CFAP20DC: variants seen among roughly 807,000 people sequenced by gnomAD.
The protein encoded by CFAP20DC is protein CFAP20DC.
In CFAP20DC, 84 loss-of-function variants were observed where a neutral mutation model predicts 101.7. The ratio of observed to expected loss-of-function variants is 0.83; its 90% CI spans 0.69 to 0.99. The LOEUF (loss-of-function observed/expected upper bound fraction) is 0.99. Ranked by LOEUF, CFAP20DC falls within the 50% of genes least tolerant of loss-of-function variation. The pLI is 0.00. For missense variants in CFAP20DC, 1,007 were observed against 970.3 expected (o/e 1.04, Z -0.50); for synonymous variants, 359 against 351.2 (o/e 1.02, Z -0.25).
intron 4 of CFAP20DC, among the ~76,000 whole-genome samples, chr3:59,033,959 G>C (rs1443120735): frequency 1.3e-5 from 2 of 152,178 alleles, no homozygotes; most frequent in Non-Finnish European, 2.9e-5. Context: ...AGAAAGGTTA[G>C]ATTACCCACA....
intron 15 of CFAP20DC, among the ~76,000 whole-genome samples, chr3:58,761,954 CA>C (rs2069653817): frequency 6.6e-6 from 1 of 152,074 alleles, no homozygotes; most frequent in Admixed American, 6.5e-5. Context: ...GCTTTACTTC[CA>C]ACTATGTGGT....
chr3:58,960,350 G>T (rs987096466), intron 4 of CFAP20DC, among the ~76,000 whole-genome samples: 3 of 151,880 alleles, frequency 2.0e-5, no homozygotes, highest in Non-Finnish European at 4.4e-5. Flanking sequence ...AAATTAGCCG[G>T]GCGTGGTGGT....
chr3:58,822,431 C>A (rs2075737317), intron 14 of CFAP20DC, among the ~76,000 whole-genome samples: 1 of 146,856 alleles, frequency 6.8e-6, no homozygotes, highest in African/African-American at 2.6e-5. Context: ...ACTCTGGGGA[C>A]TGTTGTGGGG....
rs560308851 is a variant in CFAP20DC at position 58,895,700 on chromosome 3, T to C, written c.551-10991A>G. ...CCCAACTCTATTGGTACCAATTTACTGTATTAGGCTGTTTTCATGCTACTG... is the reference window on the plus strand; with the variant it reads ...CCCAACTCTATTGGTACCAATTTACCGTATTAGGCTGTTTTCATGCTACTG... On this transcript the variant is annotated intron_variant, in intron 6 of 16. Coordinates refer to ENST00000482387, the MANE Select transcript of CFAP20DC (RefSeq NM_001394063.1). 2.0e-5 allele frequency among the ~76,000 whole-genome samples: 3 copies of C among 152,300 alleles called. No homozygotes were observed. In the East Asian group the frequency reaches 5.8e-4, roughly 29 times the overall value.
At chr3:58,966,685 G>A (rs2091567150) in intron 4 of CFAP20DC, among the ~76,000 whole-genome samples, 1 of 151,518 alleles carries the variant, frequency 6.6e-6, no homozygotes, top group Non-Finnish European at 1.5e-5. Context: ...CACCATGCCT[G>A]GCTAATTTTT....
intron 7 of CFAP20DC, among the ~76,000 whole-genome samples, chr3:58,877,219 G>T (rs919441323): frequency 1.3e-5 from 2 of 152,192 alleles, no homozygotes; most frequent in African/African-American, 4.8e-5. Flanking sequence ...CAGGCATTTA[G>T]TCGGGCATGT....
chr3:58,985,667 T>C (rs1411457727), intron 4 of CFAP20DC, among the ~76,000 whole-genome samples: 1 of 152,208 alleles, frequency 6.6e-6, no homozygotes, highest in Non-Finnish European at 1.5e-5. Flanking sequence ...TTGTGATTTT[T>C]TACTTGTTCT....
intron 4 of CFAP20DC, among the ~76,000 whole-genome samples, chr3:59,004,518 A>T (rs956145985): frequency 2.6e-5 from 4 of 152,206 alleles, no homozygotes; most frequent in African/African-American, 9.6e-5. Context: ...CTTTGCACAG[A>T]TTACCAACTA....
At chr3:58,816,441 G>T (rs1262909427) in intron 14 of CFAP20DC, among the ~76,000 whole-genome samples, 1 of 152,164 alleles carries the variant, frequency 6.6e-6, no homozygotes, top group Non-Finnish European at 1.5e-5. Context: ...CGTGCACCGT[G>T]CGCGAGCCGA....
At chr3:58,891,774 T>C (rs2082281141) in intron 6 of CFAP20DC, among the ~76,000 whole-genome samples, 1 of 152,226 alleles carries the variant, frequency 6.6e-6, no homozygotes, top group Non-Finnish European at 1.5e-5. Context: ...TTCACTCTGA[T>C]GATAGTTTCT....
chr3:58,932,820 T>C (rs540385074), intron 5 of CFAP20DC, among the ~76,000 whole-genome samples: 21 of 152,270 alleles, frequency 1.4e-4, no homozygotes, highest in Admixed American at 6.5e-4. Flanking sequence ...TGCAAAATCA[T>C]GCCAAATTGT....
At chr3:59,023,782 C>T (rs912668067) in intron 4 of CFAP20DC, among the ~76,000 whole-genome samples, 3 of 152,052 alleles carry the variant, frequency 2.0e-5, no homozygotes, top group Non-Finnish European at 4.4e-5. Flanking sequence ...CCTCGAAACA[C>T]AGAATTTAAA....
intron 7 of CFAP20DC, among the ~76,000 whole-genome samples, chr3:58,870,836 C>T (rs1272989566): frequency 7.9e-6 from 1 of 126,244 alleles, no homozygotes. Context: ...TGCAGTGAGC[C>T]GAGATTGCGC....
In CFAP20DC at chr3:58,788,211, C is replaced by A. The variant is rs2072541093; in HGVS notation, c.2237+18184G>T. On this transcript the variant is annotated intron_variant, in intron 15 of 16. Transcript: ENST00000482387. The surrounding 1 kb of genome is among the most constrained non-coding windows in gnomAD (Gnocchi z 4.2). ...AACAAAACAAAACTCCAACTCACTG[C>A]ATACAGACAGATTCTGAGCACGCAG... Among the ~76,000 whole-genome samples the A allele has an allele frequency of 6.6e-6, 1 of 151,770 alleles. No homozygotes were observed. Among genetic ancestry groups the A allele is most frequent in the Non-Finnish European group, 1.5e-5 (1 of 67,946 alleles).
chr3:58,943,689 G>A (rs1320893127), intron 4 of CFAP20DC, among the ~76,000 whole-genome samples: 1 of 152,030 alleles, frequency 6.6e-6, no homozygotes, highest in Non-Finnish European at 1.5e-5. Flanking sequence ...ACAACTCCTC[G>A]CCAGCAAGGA....
At position 58,926,392 on chromosome 3, in the gene CFAP20DC, A is replaced by G. The variant is rs144407337; in HGVS notation, c.393+11256T>C. ...TAAAAAAAAAGAAGAAGAAGAAGAA[A>G]AAAAGAAAAAATAATAATATTCACA... On this transcript the variant is annotated intron_variant, in intron 5 of 16. Transcript: ENST00000482387. 2.5e-3 allele frequency among the ~76,000 whole-genome samples: 388 copies of G among 152,206 alleles called. 1 individual carries two copies. The highest frequency in any genetic ancestry group is 8.0e-3 in the African/African-American group (331 of 41,530).
chr3:58,879,848 G>A (rs1462766871), intron 7 of CFAP20DC, among the ~76,000 whole-genome samples: 2 of 152,068 alleles, frequency 1.3e-5, no homozygotes, highest in African/African-American at 4.8e-5. Flanking sequence ...TACTCATATA[G>A]TGTAGATAAC....
At chr3:58,834,190 T>G (rs1412372082) in intron 13 of CFAP20DC, among the ~76,000 whole-genome samples, 2 of 152,190 alleles carry the variant, frequency 1.3e-5, no homozygotes, top group Non-Finnish European at 2.9e-5. Flanking sequence ...GTGAATTTTA[T>G]GGCATACAAA....
intron 15 of CFAP20DC, among the ~76,000 whole-genome samples, chr3:58,805,055 G>C (rs542764121): frequency 1.6e-4 from 25 of 152,268 alleles, no homozygotes; most frequent in Admixed American, 1.0e-3. Context: ...GTGGTTTCCT[G>C]GAAGCCATGT....
Sources: allele counts gnomAD v4.1 joint callset (sites outside exome capture counted in the v4.1 genomes callset), GRCh38; gene constraint gnomAD v4.1.1; non-coding constraint Gnocchi (gnomAD v3.1); transcripts MANE v1.5; gene names NCBI Gene and HGNC (gene_info 2026-07-23, HGNC 2026-07-21).